The following TLR3 variants were observed in gnomAD, a reference collection of about 807,000 sequenced individuals.
TLR3 encodes toll-like receptor 3.
In TLR3, 43 loss-of-function variants were observed where a neutral mutation model predicts 66.4. The observed-to-expected ratio is 0.65, with a 90% confidence interval of 0.51 to 0.83. The LOEUF is 0.83. TLR3 is among the 40% of genes least tolerant of loss of function. The pLI, the probability that TLR3 is intolerant of heterozygous loss-of-function variation, is 0.00. For synonymous variants in TLR3, 397 were observed against 397.2 expected, an observed-to-expected ratio of 1.00 and a Z score of 0.01; for missense variants, 982 against 1,044.6, an observed-to-expected ratio of 0.94 and a Z score of 0.83.
chr4:186,084,929 A>G lies in TLR3; in HGVS notation c.*56A>G, dbSNP rs1197418291. 15 of 1,445,402 alleles carry G rather than the reference A, an allele frequency of 1.0e-5. No individual in the cohort carries two copies. The highest frequency in any genetic ancestry group is 1.3e-5 in the Non-Finnish European group (14 of 1,043,752). The allele number at this position is 1,445,402 out of a possible 1,614,324, so 89.5% of individuals were successfully genotyped here. On this transcript the variant is annotated 3_prime_UTR_variant, in exon 5 of 5. Transcript: ENST00000296795. ...AAACTTTCTCAATTTAAAAAGTTCT[A>G]TGGCAAATTTAAGTTTTCCATAAAG...
rs1461492137 is a variant in TLR3, at chr4:186,082,335, T to C, written c.649T>C (p.Phe217Leu). Reference sequence around the variant, plus strand: ...CTACCTTTAGTTTTCTCCAGGGTGTTTTCACGCAATTGGAAGATTATTTGG... The same window carrying C: ...CTACCTTTAGTTTTCTCCAGGGTGTCTTCACGCAATTGGAAGATTATTTGG... ...NQIKEFSPGC[F>L]HAIGRLFGLF... Residue 217 changes from phenylalanine to leucine, a missense_variant, in exon 4 of 5, where the codon TTT becomes CTT. Phe to Leu is a conservative substitution (Grantham distance 22). Coordinates refer to ENST00000296795, the MANE Select transcript of TLR3 (RefSeq NM_003265.3). 6.8e-6 allele frequency: 11 copies of C among 1,612,436 alleles called. No individual in the cohort carries two copies. Among genetic ancestry groups the C allele is most frequent in the Non-Finnish European group, 9.3e-6 (11 of 1,179,206 alleles).
rs746561130 is a variant in TLR3, at chr4:186,082,763, C to T, written c.1077C>T (p.His359=). 22 of 1,613,898 alleles carry T rather than the reference C, an allele frequency of 1.4e-5. No individual in the cohort carries two copies. In the South Asian group the frequency reaches 2.0e-4, roughly 15 times the overall value. The part of the protein sequence containing the change: ...FSFQWLKCLE[H]LNMEDNDIPG... ...TTCAGTGGCTAAAATGTTTGGAGCA[C>T]CTTAACATGGAAGATAATGATATTC... The change falls in exon 4 of 5, where the codon CAC becomes CAT. Residue 359 remains histidine, a synonymous_variant. Coordinates refer to ENST00000296795, the MANE Select transcript of TLR3 (RefSeq NM_003265.3).
intron 4 of TLR3, 39 bp downstream of exon 4, chr4:186,084,211 T>C: frequency 1.9e-6 from 3 of 1,598,770 alleles, no homozygotes; most frequent in Non-Finnish European, 2.6e-6. Flanking sequence ...TGTACTTGCT[T>C]TTCAATTAAA....
At chr4:186,077,962 T>C (rs986636835) in intron 2 of TLR3, among the ~76,000 whole-genome samples, 1 of 152,224 alleles carries the variant, frequency 6.6e-6, no homozygotes, top group Non-Finnish European at 1.5e-5. Context: ...CTTCCTCAGA[T>C]GCCAAGAATA....
chr4:186,084,586 G>T, intron 4 of TLR3, 59 bp from the exon 5 acceptor site: 1 of 1,124,732 alleles, frequency 8.9e-7, no homozygotes, highest in Non-Finnish European at 1.3e-6. Context: ...TTTTTAAATA[G>T]TATTGCTTCT....
At position 186,082,535 on chromosome 4, in the gene TLR3, C is replaced by T; in HGVS notation, c.849C>T (p.Tyr283=). The T allele has an allele frequency of 1.9e-6, 3 of 1,614,210 alleles. No homozygotes were observed. Among genetic ancestry groups the T allele is most frequent in the Non-Finnish European group, 1.7e-6 (2 of 1,180,022 alleles). The change falls in exon 4 of 5, where the codon TAC becomes TAT. Residue 283 remains tyrosine (Y), a synonymous_variant. Coordinates refer to ENST00000296795, the MANE Select transcript of TLR3 (RefSeq NM_003265.3). ...ATCTCACTATGCTCGATCTTTCCTA[C>T]AACAACTTAAATGTGGTTGGTAACG... ...WTNLTMLDLS[Y]NNLNVVGNDS...
intron 2 of TLR3, among the ~76,000 whole-genome samples, chr4:186,078,300 T>G (rs1322053851): frequency 6.6e-6 from 1 of 152,160 alleles, no homozygotes; most frequent in Admixed American, 6.5e-5. Flanking sequence ...CAAACAAAAC[T>G]TAATATTCTG....
At chr4:186,072,679 G>T (rs563192952) in intron 1 of TLR3, among the ~76,000 whole-genome samples, 171 of 152,288 alleles carry the variant, frequency 1.1e-3, no homozygotes, top group Non-Finnish European at 1.9e-3. Context: ...CAGCACCGAG[G>T]GGGTGGTGCT....
intron 2 of TLR3, 89 bp from the exon 3 acceptor site, chr4:186,078,751 G>A (rs969787701): frequency 1.9e-6 from 2 of 1,069,866 alleles, no homozygotes; most frequent in African/African-American, 1.6e-5. Context: ...TGATTTTGCT[G>A]TTGAAGTATT....
At position 186,082,414 on chromosome 4, in the gene TLR3, T is replaced by A. The variant is rs752724828; in HGVS notation, c.728T>A (p.Leu243Ter). 6.2e-7 allele frequency: 1 copy of A among 1,613,984 alleles called. No homozygotes were observed. The stretch of plus-strand genomic sequence containing the variant: ...CCCAGCCTTACAGAGAAGCTATGTT[T>A]GGAATTAGCAAACACAAGCATTCGG... ...LGPSLTEKLCLELANTSIRNL... is the reference protein window; with the variant it reads ...LGPSLTEKLC Residue 243 changes from leucine to a stop codon, truncating the protein, a stop_gained, in exon 4 of 5, where the codon TTG (leucine) becomes TAG (stop). Transcript: ENST00000296795. LOFTEE classifies it high-confidence loss of function.
rs768784321 is a variant in TLR3, at chr4:186,083,040, T to C, written c.1354T>C (p.Trp452Arg). ...EIGQELTGQE[W>R]RGLENIFEIY... Reference sequence around the variant, plus strand: ...TGGGCAAGAACTCACAGGCCAGGAATGGAGAGGTCTAGAAAATATTTTCGA... The same window carrying C: ...TGGGCAAGAACTCACAGGCCAGGAACGGAGAGGTCTAGAAAATATTTTCGA... Residue 452 changes from tryptophan to arginine, a missense_variant, in exon 4 of 5, where the codon TGG becomes CGG. Transcript: ENST00000296795. The surrounding 1 kb of genome is among the most constrained non-coding windows in gnomAD (Gnocchi z 4.0). 4.3e-6 allele frequency: 7 copies of C among 1,614,192 alleles called. No individual in the cohort carries two copies. The highest frequency in any genetic ancestry group is 5.9e-6 in the Non-Finnish European group (7 of 1,180,044).
At chr4:186,072,601 C>T (rs1469910448) in intron 1 of TLR3, among the ~76,000 whole-genome samples, 5 of 152,308 alleles carry the variant, frequency 3.3e-5, no homozygotes, top group Admixed American at 2.0e-4. Flanking sequence ...TGAGCCACTG[C>T]GCCCAACCAC....
At chr4:186,073,689 A>G (rs2099301922) in intron 1 of TLR3, among the ~76,000 whole-genome samples, 1 of 152,204 alleles carries the variant, frequency 6.6e-6, no homozygotes, top group Non-Finnish European at 1.5e-5. Context: ...GGGAGTAGGA[A>G]AATTTCTTAG....
In TLR3 at chr4:186,084,085, T is replaced by C; in HGVS notation, c.2399T>C (p.Leu800Pro). 3 of 1,614,194 alleles carry C rather than the reference T, an allele frequency of 1.9e-6. No homozygotes were observed. Among genetic ancestry groups the C allele is most frequent in the Non-Finnish European group, 2.5e-6 (3 of 1,180,032 alleles). ...ERDFEAGVFE[L>P]EAIVNSIKRS... ...GACTTTGAGGCGGGTGTTTTTGAAC[T>C]AGAAGCAATTGTTAACAGCATCAAA... The change falls in exon 4 of 5, where the codon CTA becomes CCA. Residue 800 changes from leucine (L) to proline (P), a missense_variant. Physicochemically the swap from Leu to Pro is moderately conservative, Grantham distance 98 (BLOSUM62 -3). This residue lies in a region of TLR3 where 666 missense variants were observed against 709.0 expected (regional missense o/e 0.94). Coordinates refer to ENST00000296795, the MANE Select transcript of TLR3 (RefSeq NM_003265.3).
chr4:186,085,299 A>G lies in TLR3; in HGVS notation c.*426A>G, dbSNP rs1461534597. ...TTTCCTTTGTAAAAGAGTAAAATAT[A>G]TACCCATATTTTTAACAAGTTTAAT... On this transcript the variant is annotated 3_prime_UTR_variant, in exon 5 of 5. Coordinates refer to ENST00000296795, the MANE Select transcript of TLR3 (RefSeq NM_003265.3). 1 of 162,042 alleles carries G rather than the reference A, an allele frequency of 6.2e-6. No homozygotes were observed. Among genetic ancestry groups the G allele is most frequent in the Admixed American group, 6.1e-5 (1 of 16,418 alleles). The allele number at this position is 162,042 out of a possible 1,614,324, so 10.0% of individuals were successfully genotyped here.
chr4:186,078,982 C>T lies in TLR3; in HGVS notation c.584C>T (p.Ala195Val). ...AAAAGTGAAGAACTGGATATCTTTG[C>T]CAATTCATCTTTAAAAAAATTAGAG... ...ALKSEELDIF[A>V]NSSLKKLELS... The change falls in exon 3 of 5, where the codon GCC (alanine) becomes GTC (valine). Residue 195 changes from alanine (A) to valine (V), a missense_variant. Transcript: ENST00000296795. 6.2e-7 allele frequency: 1 copy of T among 1,613,760 alleles called. No homozygotes were observed. Among genetic ancestry groups the T allele is most frequent in the Non-Finnish European group, 8.5e-7 (1 of 1,179,930 alleles).
At chr4:186,069,416 G>A (rs1281120072) in intron 1 of TLR3, among the ~76,000 whole-genome samples, 168 bp downstream of exon 1, 1 of 152,164 alleles carries the variant, frequency 6.6e-6, no homozygotes, top group Non-Finnish European at 1.5e-5. Flanking sequence ...AAAGGGATAT[G>A]ATATGGGCAT....
At chr4:186,080,950 AAG>A (rs543325474) in intron 3 of TLR3, among the ~76,000 whole-genome samples, 2 of 152,220 alleles carry the variant, frequency 1.3e-5, no homozygotes, top group East Asian at 1.9e-4. Flanking sequence ...AATGCAAAAA[AAG>A]AGAGAAGTAT....
intron 3 of TLR3, among the ~76,000 whole-genome samples, chr4:186,081,240 C>T (rs1268073450): frequency 3.3e-5 from 5 of 149,522 alleles, no homozygotes; most frequent in Middle Eastern, 3.2e-3. Flanking sequence ...CTGCACTCCA[C>T]CCTGGGGGAC....
Sources: gnomAD v4.1 joint callset for allele counts (sites outside exome capture counted in the v4.1 genomes callset) on GRCh38, gnomAD v4.1.1 for gene constraint, gnomAD v4.1.1 regional missense constraint, Gnocchi (gnomAD v3.1) non-coding constraint, MANE v1.5 for transcripts, NCBI Gene and HGNC (gene_info 2026-07-23, HGNC 2026-07-21) for gene names.